The following LSM14A variants were observed in gnomAD, a reference collection of about 807,000 sequenced individuals.
The protein encoded by LSM14A is LSM14A mRNA processing body assembly factor.
A neutral mutation model predicts 52.4 loss-of-function variants in LSM14A; 14 were observed. The ratio of observed to expected loss-of-function variants is 0.27; its 90% CI spans 0.18 to 0.42. The LOEUF (loss-of-function observed/expected upper bound fraction) is 0.42, where lower values mean the gene tolerates loss of function less well. Ranked by LOEUF, LSM14A falls within the 10% of genes least tolerant of loss-of-function variation. The pLI is 1.00. For missense variants in LSM14A, 417 were observed against 581.8 expected (o/e 0.72, Z 2.91); for synonymous variants, 185 against 200.3 (o/e 0.92, Z 0.64).
intron 3 of LSM14A, among the ~76,000 whole-genome samples, chr19:34,198,903 C>T (rs1255097626): frequency 2.0e-5 from 3 of 151,810 alleles, no homozygotes; most frequent in African/African-American, 7.3e-5. Flanking sequence ...AGGAGCATGG[C>T]GTGAACCCAG....
rs771325379 is a variant in LSM14A at position 34,196,614 on chromosome 19, A to G, written c.286-20A>G. 3 of 1,573,348 alleles carry G rather than the reference A, an allele frequency of 1.9e-6. No homozygotes were observed. Among genetic ancestry groups the G allele is most frequent in the Non-Finnish European group, 2.6e-6 (3 of 1,166,350 alleles). On this transcript the variant is annotated intron_variant, in intron 2 of 9. Coordinates refer to ENST00000544216, the MANE Select transcript of LSM14A (RefSeq NM_015578.4). Reference sequence around the variant, plus strand: ...CATGTTGCTTAGAGCTTGGAAACATAACTCATGATTTTCCTTCAGTCCTCA... The same window carrying G: ...CATGTTGCTTAGAGCTTGGAAACATGACTCATGATTTTCCTTCAGTCCTCA...
chr19:34,190,503 A>AAAATTTTAAAGCC (rs1238898770), intron 1 of LSM14A, among the ~76,000 whole-genome samples: 1 of 152,056 alleles, frequency 6.6e-6, no homozygotes, highest in African/African-American at 2.4e-5. Context: ...TTTCAAATAA[A>AAAATTTTAAAGCC]AAATTTTAAA....
At chr19:34,178,179 A>AT (rs1555764699) in intron 1 of LSM14A, among the ~76,000 whole-genome samples, 5 of 150,002 alleles carry the variant, frequency 3.3e-5, no homozygotes, top group African/African-American at 1.2e-4. Flanking sequence ...AAAAAACACA[A>AT]AATAATAATA....
intron 1 of LSM14A, among the ~76,000 whole-genome samples, chr19:34,178,179 AAAT>A (rs74745913): frequency 2.0e-5 from 3 of 150,002 alleles, no homozygotes; most frequent in African/African-American, 7.4e-5. Flanking sequence ...AAAAAACACA[AAAT>A]AATAATAATA....
At chr19:34,178,179 A>AAATAATAATAAT (rs74745913) in intron 1 of LSM14A, among the ~76,000 whole-genome samples, 1 of 150,002 alleles carries the variant, frequency 6.7e-6, no homozygotes, top group African/African-American at 2.5e-5. Context: ...AAAAAACACA[A>AAATAATAATAAT]AATAATAATA....
At position 34,219,605 on chromosome 19, in the gene LSM14A, T is replaced by C; in HGVS notation, c.964+32T>C. 1.9e-6 allele frequency: 3 copies of C among 1,586,206 alleles called. 1 individual carries two copies. Among genetic ancestry groups the C allele is most frequent in the Non-Finnish European group, 2.6e-6 (3 of 1,160,918 alleles). On this transcript the variant is annotated intron_variant, in intron 7 of 9. Coordinates refer to ENST00000544216, the MANE Select transcript of LSM14A (RefSeq NM_015578.4). ...TTTGATTTTTCTTTTCAGAAAATAA[T>C]CTTATTTGATCTGTGAATTACAGAT... is the stretch of plus-strand genomic sequence containing the variant.
intron 6 of LSM14A, among the ~76,000 whole-genome samples, chr19:34,217,858 A>T (rs2072767148): frequency 6.6e-6 from 1 of 151,668 alleles, no homozygotes; most frequent in Admixed American, 6.6e-5. Context: ...CCCCTCCCAA[A>T]ATAAAATAAC....
intron 4 of LSM14A, among the ~76,000 whole-genome samples, chr19:34,210,139 A>G (rs1397273840): frequency 6.6e-6 from 1 of 152,238 alleles, no homozygotes; most frequent in Non-Finnish European, 1.5e-5. Flanking sequence ...AGAAAGACCT[A>G]TAGTCACAAG....
rs2073401189 is a variant in LSM14A at position 34,227,453 on chromosome 19, A to G, written c.*65A>G. ...CTTCATGGTCCTGAACATTGATTTC[A>G]GTCTTTGCAAAGAATGAAGAAGTGA... On this transcript the variant is annotated 3_prime_UTR_variant, in exon 10 of 10. Transcript: ENST00000544216. 8.0e-7 allele frequency: 1 copy of G among 1,244,590 alleles called. No individual in the cohort carries two copies. Among genetic ancestry groups the G allele is most frequent in the Non-Finnish European group, 1.1e-6 (1 of 890,924 alleles). The allele number at this position is 1,244,590 out of a possible 1,614,324, so 77.1% of individuals were successfully genotyped here.
chr19:34,181,763 G>T (rs924620356), intron 1 of LSM14A, among the ~76,000 whole-genome samples: 3 of 151,914 alleles, frequency 2.0e-5, no homozygotes, highest in Non-Finnish European at 2.9e-5. Context: ...CTAGTTCCTG[G>T]TTTCAAATAC....
intron 3 of LSM14A, 172 bp from the exon 4 acceptor site, chr19:34,208,757 T>TA (rs1453217051): frequency 2.6e-5 from 14 of 528,318 alleles, no homozygotes. Flanking sequence ...CATATTGCCA[T>TA]AAAATTCCCA....
At chr19:34,192,319 G>GTTGTTGTTTTTTTT (rs60512063) in intron 1 of LSM14A, among the ~76,000 whole-genome samples, 6 of 53,410 alleles carry the variant, frequency 1.1e-4, no homozygotes, top group African/African-American at 2.4e-4. Flanking sequence ...TCTTTTTGTT[G>GTTGTTGTTTTTTTT]TTTTTTTTTT....
chr19:34,209,960 C>T (rs990928843), intron 4 of LSM14A, among the ~76,000 whole-genome samples: 3 of 152,112 alleles, frequency 2.0e-5, no homozygotes, highest in Non-Finnish European at 4.4e-5. Context: ...CCAAACAAGC[C>T]TCCCACTTTA....
At chr19:34,221,248 A>AT in intron 8 of LSM14A, 1 of 431,558 alleles carries the variant, frequency 2.3e-6, no homozygotes, top group African/African-American at 2.0e-5. Context: ...ATGCCCAGCT[A>AT]TTTTTTGTAT....
chr19:34,177,663 G>T (rs543169079), intron 1 of LSM14A, among the ~76,000 whole-genome samples: 1 of 152,114 alleles, frequency 6.6e-6, no homozygotes, highest in East Asian at 1.9e-4. Context: ...CAAGGCCGGG[G>T]TATTGCTTGA....
chr19:34,173,831 A>C (rs1374214800), intron 1 of LSM14A, among the ~76,000 whole-genome samples: 1 of 152,220 alleles, frequency 6.6e-6, no homozygotes, highest in Non-Finnish European at 1.5e-5. Flanking sequence ...GATAAAGAAG[A>C]AGATTTTCGA....
chr19:34,202,126 G>GTT lies in LSM14A; in HGVS notation c.415+5381_415+5382dup, dbSNP rs113903997. Among the ~76,000 whole-genome samples the GTT allele has an allele frequency of 8.3e-3, 988 of 119,510 alleles. 19 individuals carry two copies. The highest frequency in any genetic ancestry group is 0.024 in the African/African-American group (758 of 31,680). 78.4% of individuals were successfully genotyped at this position (119,510 alleles called of 152,430 possible). Reference sequence around the variant, plus strand: ...CACCCTTATTATTGCTTTTTAGTAAGTTTTTTTTTTTTTTTTTTTCCATTT... The same window carrying GTT: ...CACCCTTATTATTGCTTTTTAGTAAGTTTTTTTTTTTTTTTTTTTTTCCATTT... On this transcript the variant is annotated intron_variant, in intron 3 of 9. Transcript: ENST00000544216.
intron 2 of LSM14A, among the ~76,000 whole-genome samples, chr19:34,195,704 GAC>G (rs1413340403): frequency 2.6e-5 from 4 of 152,124 alleles, no homozygotes; most frequent in African/African-American, 9.7e-5. Context: ...AGAAGGAAGA[GAC>G]ACATTCTTAA....
intron 1 of LSM14A, among the ~76,000 whole-genome samples, chr19:34,178,388 C>T (rs1489585668): frequency 6.6e-6 from 1 of 152,124 alleles, no homozygotes; most frequent in South Asian, 2.1e-4. Context: ...AAGCATATGT[C>T]AAGAAGTCAT....
Sources: gnomAD v4.1 joint callset for allele counts (sites outside exome capture counted in the v4.1 genomes callset) on GRCh38, gnomAD v4.1.1 for gene constraint, MANE v1.5 for transcripts, NCBI Gene and HGNC (gene_info 2026-07-23, HGNC 2026-07-21) for gene names.